Variants in RAD51B observed in about 807,000 individuals in gnomAD.
The protein encoded by RAD51B is RAD51 paralog B.
RAD51B carries 38 observed loss-of-function variants against 42.2 expected under a neutral mutation model. The observed-to-expected ratio is 0.90, with a 90% CI of 0.70 to 1.18. RAD51B has a LOEUF of 1.18. Ranked by LOEUF, RAD51B falls within the 50% of genes most tolerant of loss-of-function variation. The probability of loss-of-function intolerance (pLI) is 0.00; values close to 1 mark genes in which losing one functional copy is unlikely to be tolerated. For synonymous variants in RAD51B, 154 were observed against 145.2 expected (o/e 1.06, Z -0.43); for missense variants, 373 against 400.7 (o/e 0.93, Z 0.59).
At chr14:68,294,286 T>A (rs1260363134) in intron 8 of RAD51B, among the ~76,000 whole-genome samples, 2 of 97,028 alleles carry the variant, frequency 2.1e-5, no homozygotes, top group Non-Finnish European at 4.4e-5. Context: ...TGGAAATAAT[T>A]GATTTTTCTA....
At position 68,447,669 on chromosome 14, in the gene RAD51B, A is replaced by G. The variant is rs199704770; in HGVS notation, c.958-20503A>G. On this transcript the variant is annotated intron_variant, in intron 9 of 10. Coordinates refer to ENST00000471583, the MANE Select transcript of RAD51B (RefSeq NM_133510.4). Reference sequence around the variant, plus strand: ...TTTCAGATGAAGAGTAAGTTAAAAAATATTAACTTAAAAGCAATTACGAAA... The same window carrying G: ...TTTCAGATGAAGAGTAAGTTAAAAAGTATTAACTTAAAAGCAATTACGAAA... Among the ~76,000 whole-genome samples the G allele has an allele frequency of 4.6e-5, 7 of 152,306 alleles. No individual in the cohort carries two copies. The East Asian group carries it at 1.3e-3, about 29-fold the overall frequency.
At chr14:67,954,966 A>G (rs2074520084) in intron 7 of RAD51B, among the ~76,000 whole-genome samples, 3 of 152,008 alleles carry the variant, frequency 2.0e-5, no homozygotes, top group Admixed American at 2.0e-4. Flanking sequence ...AGGACAGGAG[A>G]TGGGTGGAGG....
chr14:68,269,178 C>G (rs1224059835), intron 7 of RAD51B, among the ~76,000 whole-genome samples: 1 of 152,244 alleles, frequency 6.6e-6, no homozygotes, highest in Non-Finnish European at 1.5e-5. Flanking sequence ...AACACAAAAG[C>G]TGTGCCTTCA....
intron 7 of RAD51B, among the ~76,000 whole-genome samples, chr14:68,025,149 T>C (rs2075932207): frequency 6.6e-6 from 1 of 152,190 alleles, no homozygotes. Context: ...ATCACATTGA[T>C]TGATTTGCAT....
downstream of RAD51B, among the ~76,000 whole-genome samples, chr14:68,611,773 G>C (rs8010846): frequency 0.031 from 4,644 of 152,246 alleles, 231 homozygotes; most frequent in African/African-American, 0.11. Flanking sequence ...CTGTTCTCAG[G>C]ACTCCCACCA....
chr14:68,403,015 A>G (rs909140456), intron 8 of RAD51B, among the ~76,000 whole-genome samples: 1 of 152,244 alleles, frequency 6.6e-6, no homozygotes, highest in Admixed American at 6.5e-5. Context: ...GCAGCTGGCC[A>G]CAGGCTATCA....
rs1428284783 is a variant in RAD51B at position 67,864,885 on chromosome 14, G to A, written c.316-118G>A. On this transcript the variant is annotated intron_variant, in intron 4 of 10. Coordinates refer to ENST00000471583, the MANE Select transcript of RAD51B (RefSeq NM_133510.4). ...GGCTTAATTCTCTCCTGGGAACCCAGGTTAGTTGGACTGCATATATGGCAA... is the reference window on the plus strand; with the variant it reads ...GGCTTAATTCTCTCCTGGGAACCCAAGTTAGTTGGACTGCATATATGGCAA... 2.2e-5 allele frequency: 30 copies of A among 1,392,572 alleles called. No individual in the cohort carries two copies. In the East Asian group the frequency reaches 5.9e-4, roughly 28 times the overall value. The allele number at this position is 1,392,572 out of a possible 1,614,324, so 86.3% of individuals were successfully genotyped here.
chr14:68,585,054 C>T (rs185978375), intron 10 of RAD51B, among the ~76,000 whole-genome samples: 194 of 152,270 alleles, frequency 1.3e-3, no homozygotes, highest in African/African-American at 4.2e-3. Flanking sequence ...CCATAGGATG[C>T]GGCGGTCAGG....
intron 7 of RAD51B, among the ~76,000 whole-genome samples, chr14:68,007,268 T>C (rs1431270521): frequency 6.6e-6 from 1 of 152,160 alleles, no homozygotes; most frequent in East Asian, 1.9e-4. Context: ...TTTTATTTGA[T>C]GGTTATTTGA....
Position 67,935,805 on chromosome 14 carries a change from C to T in RAD51B, c.756+48601C>T, listed in dbSNP as rs193016687. Among the ~76,000 whole-genome samples, 290 of 152,066 alleles carry T rather than the reference C, an allele frequency of 1.9e-3. 3 individuals carry two copies. The highest frequency in any genetic ancestry group is 3.7e-3 in the Admixed American group (56 of 15,280). On this transcript the variant is annotated intron_variant, in intron 7 of 10. Transcript: ENST00000471583. ...TGCTCCTTCAGGATCTAGGGCCTGCCGAGGACTTCATCTTATAAAGATGAG... is the reference window on the plus strand; with the variant it reads ...TGCTCCTTCAGGATCTAGGGCCTGCTGAGGACTTCATCTTATAAAGATGAG...
chr14:68,247,910 A>G (rs1274915002), intron 7 of RAD51B, among the ~76,000 whole-genome samples: 2 of 152,212 alleles, frequency 1.3e-5, no homozygotes, highest in Non-Finnish European at 2.9e-5. Context: ...AGGGTGCTGC[A>G]AAGCGCTTTA....
intron 9 of RAD51B, among the ~76,000 whole-genome samples, chr14:68,418,440 C>T (rs1476214490): frequency 1.3e-5 from 2 of 152,160 alleles, no homozygotes. Context: ...TGTTGTTCTC[C>T]TCCAGCTCTG....
chr14:68,053,036 G>A (rs534261912), intron 7 of RAD51B, among the ~76,000 whole-genome samples: 4 of 151,942 alleles, frequency 2.6e-5, no homozygotes, highest in Non-Finnish European at 5.9e-5. Flanking sequence ...TTTAACCTAC[G>A]CAAACTTGAT....
At chr14:68,257,421 G>A (rs1331325078) in intron 7 of RAD51B, among the ~76,000 whole-genome samples, 1 of 151,930 alleles carries the variant, frequency 6.6e-6, no homozygotes, top group African/African-American at 2.4e-5. Context: ...AAAATTAATT[G>A]CACCATTATT....
intron 7 of RAD51B, among the ~76,000 whole-genome samples, chr14:68,142,565 C>G (rs1021389708): frequency 5.3e-5 from 8 of 152,082 alleles, no homozygotes; most frequent in Admixed American, 2.6e-4. Context: ...ATTTAGAAGA[C>G]ATCTCCAAGG....
At chr14:68,025,687 G>A (rs1351657362) in intron 7 of RAD51B, among the ~76,000 whole-genome samples, 1 of 151,744 alleles carries the variant, frequency 6.6e-6, no homozygotes, top group Non-Finnish European at 1.5e-5. Flanking sequence ...AGTCTCTGAG[G>A]ATCTTTCGTT....
chr14:67,905,008 T>G (rs1452582508), intron 7 of RAD51B, among the ~76,000 whole-genome samples: 1 of 151,930 alleles, frequency 6.6e-6, no homozygotes, highest in Non-Finnish European at 1.5e-5. Context: ...AGAATAGTGT[T>G]TCCTAGGTTT....
chr14:68,541,133 T>C (rs372528041), intron 10 of RAD51B: 14 of 985,364 alleles, frequency 1.4e-5, no homozygotes, highest in African/African-American at 1.4e-4. Flanking sequence ...GTTTAGGCTC[T>C]AGACCAGTGC....
rs1253385872 is a variant in RAD51B at position 68,240,141 on chromosome 14, A to G, written c.757-51743A>G. 2.6e-5 allele frequency among the ~76,000 whole-genome samples: 4 copies of G among 152,182 alleles called. No individual in the cohort carries two copies. The East Asian group carries it at 5.8e-4, about 22-fold the overall frequency. ...TATTACCCTGGGTGTTGTATCTACC[A>G]TTATAAAGACTGCCTTGGATCTCTA... is the stretch of plus-strand genomic sequence containing the variant. On this transcript the variant is annotated intron_variant, in intron 7 of 10. Transcript: ENST00000471583.
Sources: allele counts gnomAD v4.1 joint callset (sites outside exome capture counted in the v4.1 genomes callset), GRCh38; gene constraint gnomAD v4.1.1; transcripts MANE v1.5; gene names NCBI Gene and HGNC (gene_info 2026-07-23, HGNC 2026-07-21).